ZNF708: variants seen among roughly 807,000 people sequenced by gnomAD.
The protein encoded by ZNF708 is zinc finger protein 708, also known as ZNF15, ZNF15L1.
ZNF708 carries 44 observed loss-of-function variants against 47.0 expected under a neutral mutation model. The ratio of observed to expected loss-of-function variants is 0.94; its 90% CI spans 0.74 to 1.20. The LOEUF is 1.20. Among genes scored for constraint, ZNF708 ranks in the 50% most tolerant of loss-of-function variants. The pLI is 0.00. For missense variants in ZNF708, 557 were observed against 656.0 expected (o/e 0.85, Z 1.65); for synonymous variants, 184 against 218.5 (o/e 0.84, Z 1.39).
chr19:21,313,455 G>T (rs1432381563), intron 1 of ZNF708, among the ~76,000 whole-genome samples: 3 of 151,834 alleles, frequency 2.0e-5, no homozygotes, highest in Admixed American at 6.6e-5. Context: ...TCTGTCATTG[G>T]TTTTTTAAAA....
chr19:21,318,041 C>T (rs988135154), intron 1 of ZNF708: 2 of 152,206 alleles, frequency 1.3e-5, no homozygotes, highest in South Asian at 4.1e-4. Context: ...CTCTCTTGAC[C>T]CCTACCATCT....
At chr19:21,308,175 A>G (rs938739483) in intron 3 of ZNF708, among the ~76,000 whole-genome samples, 1 of 152,118 alleles carries the variant, frequency 6.6e-6, no homozygotes, top group Non-Finnish European at 1.5e-5. Context: ...CATATTATCC[A>G]AAGTGAGCTA....
chr19:21,310,742 C>T, intron 1 of ZNF708, 115 bp from the exon 2 acceptor site: 2 of 767,772 alleles, frequency 2.6e-6, no homozygotes, highest in Non-Finnish European at 3.7e-6. Context: ...ATAGGAGTGA[C>T]TGAAATTATC....
At chr19:21,327,102 CCT>C (rs1400900552) in intron 1 of ZNF708, among the ~76,000 whole-genome samples, 4 of 151,942 alleles carry the variant, frequency 2.6e-5, no homozygotes, top group East Asian at 1.9e-4. Flanking sequence ...TCTTTTATGC[CCT>C]CTGTTAATAT....
At chr19:21,328,932 C>G (rs1166926204) in intron 1 of ZNF708, among the ~76,000 whole-genome samples, 2 of 152,200 alleles carry the variant, frequency 1.3e-5, no homozygotes, top group East Asian at 3.9e-4. Flanking sequence ...CCTGCACAAT[C>G]TGGGAGAGGC....
chr19:21,300,081 G>A (rs535319788), intron 3 of ZNF708, among the ~76,000 whole-genome samples: 14 of 152,084 alleles, frequency 9.2e-5, no homozygotes, highest in Admixed American at 5.2e-4. Context: ...GGAGGAAGGC[G>A]GATCACGAGA....
intron 1 of ZNF708, among the ~76,000 whole-genome samples, chr19:21,314,925 G>A (rs1188652936): frequency 1.3e-5 from 2 of 152,148 alleles, no homozygotes; most frequent in Non-Finnish European, 2.9e-5. Flanking sequence ...TGGGCTGATG[G>A]TCCAATAATA....
chr19:21,316,474 CT>C (rs1487942317), intron 1 of ZNF708, among the ~76,000 whole-genome samples: 2 of 152,126 alleles, frequency 1.3e-5, no homozygotes, highest in African/African-American at 2.4e-5. Context: ...GAAATTGGAG[CT>C]GCAGATTCAG....
At chr19:21,317,593 G>A in intron 1 of ZNF708, among the ~76,000 whole-genome samples, 1 of 152,056 alleles carries the variant, frequency 6.6e-6, no homozygotes, top group Non-Finnish European at 1.5e-5. Context: ...TCCAGCCCCA[G>A]AAAAACTTCA....
In ZNF708 at chr19:21,293,865, TTCA is replaced by T; in HGVS notation, c.1098_1100del (p.Cys366_Glu367delinsTer). Reference sequence around the variant, plus strand: ...ACCGGTTAAAAGCTTTGCCACATTCTTCACATTTGTAGGGTTTCTCTTCAGTAT... The same window carrying T: ...ACCGGTTAAAAGCTTTGCCACATTCTCATTTGTAGGGTTTCTCTTCAGTAT... On this transcript the variant is annotated stop_gained and inframe_deletion, in exon 4 of 4. Coordinates refer to ENST00000356929, the MANE Select transcript of ZNF708 (RefSeq NM_021269.3). LOFTEE classifies it high-confidence loss of function. The T allele has an allele frequency of 6.2e-7, 1 of 1,613,440 alleles. No individual in the cohort carries two copies.
intron 3 of ZNF708, among the ~76,000 whole-genome samples, chr19:21,308,430 C>A (rs1015926841): frequency 1.3e-5 from 2 of 152,140 alleles, no homozygotes; most frequent in Non-Finnish European, 2.9e-5. Flanking sequence ...CAGGCATGCA[C>A]CACCACACCT....
rs1188728263 is a variant in ZNF708, at chr19:21,293,995, G to C, written c.971C>G (p.Thr324Ser). ...GKAFTLSSHL[T>S]THKRIHTGEK... Reference sequence around the variant, plus strand: ...ACCAGTATGAATCCTCTTATGTGTAGTAAGGTGTGAAGATAGGGTAAAGGC... The same window carrying C: ...ACCAGTATGAATCCTCTTATGTGTACTAAGGTGTGAAGATAGGGTAAAGGC... Residue 324 changes from threonine (T) to serine (S), a missense_variant, in exon 4 of 4, where the codon ACT becomes AGT. By Grantham distance (58) the Thr-to-Ser change is moderately conservative. Coordinates refer to ENST00000356929, the MANE Select transcript of ZNF708 (RefSeq NM_021269.3). The C allele has an allele frequency of 6.2e-7, 1 of 1,612,804 alleles. No individual in the cohort carries two copies. The highest frequency in any genetic ancestry group is 1.7e-5 in the Admixed American group (1 of 59,950).
chr19:21,300,023 A>G (rs533317209), intron 3 of ZNF708, among the ~76,000 whole-genome samples: 7 of 152,182 alleles, frequency 4.6e-5, no homozygotes, highest in African/African-American at 7.2e-5. Flanking sequence ...ACAAAAATAC[A>G]TGGATAGGCT....
chr19:21,317,495 A>G (rs1009538263), intron 1 of ZNF708, among the ~76,000 whole-genome samples: 1 of 152,234 alleles, frequency 6.6e-6, no homozygotes, highest in African/African-American at 2.4e-5. Flanking sequence ...AGGCCCTTCT[A>G]GAGTAAAGCT....
Position 21,293,871 on chromosome 19 carries a change from T to C in ZNF708, c.1095A>G (p.Lys365=), listed in dbSNP as rs2145145251. The C allele has an allele frequency of 6.2e-7, 1 of 1,613,276 alleles. No homozygotes were observed. Among genetic ancestry groups the C allele is most frequent in the Non-Finnish European group, 8.5e-7 (1 of 1,179,776 alleles). Residue 365 remains lysine, a synonymous_variant, in exon 4 of 4, where the codon AAA becomes AAG. Transcript: ENST00000356929. ...KIIHTEEKPY[K]CEECGKAFNR... Reference sequence around the variant, plus strand: ...TAAAAGCTTTGCCACATTCTTCACATTTGTAGGGTTTCTCTTCAGTATGAA... The same window carrying C: ...TAAAAGCTTTGCCACATTCTTCACACTTGTAGGGTTTCTCTTCAGTATGAA...
chr19:21,323,003 ACT>A (rs1279996042), intron 1 of ZNF708, among the ~76,000 whole-genome samples: 1 of 152,050 alleles, frequency 6.6e-6, no homozygotes, highest in Non-Finnish European at 1.5e-5. Context: ...TACTCATAGA[ACT>A]CAGCAAATAC....
intron 3 of ZNF708, among the ~76,000 whole-genome samples, chr19:21,295,953 C>T (rs1351713366): frequency 1.3e-5 from 2 of 151,920 alleles, no homozygotes; most frequent in Non-Finnish European, 2.9e-5. Flanking sequence ...ACACAGACAA[C>T]TACTGAAGTT....
chr19:21,297,158 A>T (rs1318000033), intron 3 of ZNF708, among the ~76,000 whole-genome samples: 4 of 148,430 alleles, frequency 2.7e-5, no homozygotes, highest in East Asian at 3.9e-4. Flanking sequence ...ATAAAAATTT[A>T]AAAAATATAT....
intron 1 of ZNF708, among the ~76,000 whole-genome samples, chr19:21,312,210 G>A (rs754642583): frequency 1.4e-4 from 22 of 151,978 alleles, no homozygotes; most frequent in Non-Finnish European, 2.9e-4. Context: ...CAGGACAATC[G>A]CTTGAATGTG....
Sources: allele counts gnomAD v4.1 joint callset (sites outside exome capture counted in the v4.1 genomes callset), GRCh38; gene constraint gnomAD v4.1.1; transcripts MANE v1.5; gene names NCBI Gene and HGNC (gene_info 2026-07-23, HGNC 2026-07-21).